ADGRL3: variants seen among roughly 807,000 people sequenced by gnomAD.
ADGRL3 encodes the protein calcium-independent alpha-latrotoxin receptor 3.
Under a neutral mutation model 153.5 loss-of-function variants are expected in ADGRL3, and 62 were observed. That is an observed-to-expected ratio of 0.40 (90% CI 0.33 to 0.50). The LOEUF (loss-of-function observed/expected upper bound fraction) is 0.50, where lower values mean the gene tolerates loss of function less well. Among genes scored for constraint, ADGRL3 ranks in the 20% least tolerant of loss-of-function variants. ADGRL3 has a pLI of 0.47. For missense variants in ADGRL3, 1,641 were observed against 1,859.4 expected (o/e 0.88, Z 2.16); for synonymous variants, 710 against 672.5 (o/e 1.06, Z -0.86).
intron 8 of ADGRL3, among the ~76,000 whole-genome samples, chr4:61,812,624 AG>A (rs2097643878): frequency 6.6e-6 from 1 of 152,266 alleles, no homozygotes; most frequent in South Asian, 2.1e-4. Context: ...AAGTACCTTT[AG>A]AAATTGAACT....
intron 23 of ADGRL3, among the ~76,000 whole-genome samples, chr4:62,036,686 T>A (rs1725189208): frequency 6.6e-6 from 1 of 152,146 alleles, no homozygotes. Context: ...CTTATTTGAA[T>A]ATTACATTAT....
At chr4:61,717,306 C>T (rs1386034251) in intron 6 of ADGRL3, among the ~76,000 whole-genome samples, 5 of 151,472 alleles carry the variant, frequency 3.3e-5, no homozygotes, top group Non-Finnish European at 7.4e-5. Context: ...ATATATTTTT[C>T]AAATCCATTG....
At chr4:62,063,474 T>C in intron 25 of ADGRL3, 1 of 635,732 alleles carries the variant, frequency 1.6e-6, no homozygotes, top group South Asian at 1.8e-5. Context: ...CTTTTTTTTT[T>C]TTTCTCTGTC....
chr4:61,981,194 A>G (rs192107270), intron 18 of ADGRL3, among the ~76,000 whole-genome samples: 9 of 152,302 alleles, frequency 5.9e-5, no homozygotes, highest in Admixed American at 4.6e-4. Flanking sequence ...TGTTTTAACC[A>G]TAGGGCTCAA....
chr4:61,665,267 T>G (rs770358243), intron 5 of ADGRL3, among the ~76,000 whole-genome samples: 1 of 152,044 alleles, frequency 6.6e-6, no homozygotes. Flanking sequence ...AAAAATTAGC[T>G]GGACATGGTG....
chr4:61,451,342 T>C (rs1357870064), intron 2 of ADGRL3, among the ~76,000 whole-genome samples: 3 of 152,046 alleles, frequency 2.0e-5, no homozygotes, highest in African/African-American at 7.2e-5. Context: ...TATAACATTT[T>C]AATGAAAAAA....
intron 15 of ADGRL3, among the ~76,000 whole-genome samples, chr4:61,937,646 A>AT (rs2098844955): frequency 1.3e-5 from 2 of 151,818 alleles, no homozygotes; most frequent in Non-Finnish European, 2.9e-5. Context: ...CATTATTATT[A>AT]TTTTTTAATC....
In ADGRL3 at chr4:61,518,799, C is replaced by G. The variant is rs1165073950; in HGVS notation, c.259+1281C>G. Among the ~76,000 whole-genome samples, 8 of 152,156 alleles carry G rather than the reference C, an allele frequency of 5.3e-5. No homozygotes were observed. In the South Asian group the frequency reaches 1.0e-3, roughly 20 times the overall value. On this transcript the variant is annotated intron_variant, in intron 4 of 26. Coordinates refer to ENST00000683033, the MANE Select transcript of ADGRL3 (RefSeq NM_001387552.1). ...CCTGTAGAATGGACTCCAGTGTGTT[C>G]TCAAAATTCAAGGGCAATGGATAGT...
At chr4:61,401,220 G>C (rs569108337) in intron 2 of ADGRL3, among the ~76,000 whole-genome samples, 2 of 151,716 alleles carry the variant, frequency 1.3e-5, no homozygotes, top group Non-Finnish European at 2.9e-5. Context: ...ATAAAACAAC[G>C]TAAGCAACAA....
At chr4:62,057,813 T>C (rs1010463282) in intron 25 of ADGRL3, among the ~76,000 whole-genome samples, 3 of 151,954 alleles carry the variant, frequency 2.0e-5, no homozygotes, top group Non-Finnish European at 4.4e-5. Flanking sequence ...GAGTAGCTGG[T>C]ACTACAGGCA....
intron 8 of ADGRL3, among the ~76,000 whole-genome samples, chr4:61,769,451 G>A (rs1233048648): frequency 1.5e-4 from 23 of 149,938 alleles, no homozygotes; most frequent in Non-Finnish European, 3.2e-4. Flanking sequence ...ACCTGAGGTC[G>A]TAGGTGGATC....
intron 19 of ADGRL3, among the ~76,000 whole-genome samples, chr4:61,987,033 A>G (rs1380318701): frequency 1.3e-5 from 2 of 152,110 alleles, no homozygotes; most frequent in Admixed American, 6.5e-5. Flanking sequence ...GAATTTCTGT[A>G]TATAGAATTA....
At chr4:61,489,784 A>ACG (rs1306266178) in intron 2 of ADGRL3, among the ~76,000 whole-genome samples, 2 of 152,038 alleles carry the variant, frequency 1.3e-5, no homozygotes, top group East Asian at 3.9e-4. Context: ...TTGAATTTGC[A>ACG]ACAAAATGTT....
At chr4:61,868,501 C>T (rs1344216240) in intron 9 of ADGRL3, among the ~76,000 whole-genome samples, 1 of 152,162 alleles carries the variant, frequency 6.6e-6, no homozygotes, top group Non-Finnish European at 1.5e-5. Flanking sequence ...ACATCTCTGT[C>T]TCTATAACAA....
chr4:61,660,890 A>G (rs1040636212), intron 5 of ADGRL3, among the ~76,000 whole-genome samples: 1 of 152,136 alleles, frequency 6.6e-6, no homozygotes, highest in African/African-American at 2.4e-5. Context: ...AACGTTAATT[A>G]GACCAATTGT....
In ADGRL3 at chr4:61,239,224, C is replaced by T. The variant is rs184127604; in HGVS notation, c.-240+37459C>T. 9.2e-5 allele frequency among the ~76,000 whole-genome samples: 14 copies of T among 152,182 alleles called. 1 individual carries two copies. In the East Asian group the frequency reaches 2.1e-3, roughly 23 times the overall value. On this transcript the variant is annotated intron_variant, in intron 1 of 26. Coordinates refer to ENST00000683033, the MANE Select transcript of ADGRL3 (RefSeq NM_001387552.1). ...ATGAAATGTACATCTAAACTTGGGGCAGTTTGTCTATGTGAACAATGTAGG... is the reference window on the plus strand; with the variant it reads ...ATGAAATGTACATCTAAACTTGGGGTAGTTTGTCTATGTGAACAATGTAGG...
chr4:62,000,505 T>C (rs2099136434), intron 21 of ADGRL3, among the ~76,000 whole-genome samples: 1 of 152,112 alleles, frequency 6.6e-6, no homozygotes. Flanking sequence ...CATCAAGTTT[T>C]ATATTACAAA....
chr4:61,698,706 CAT>C (rs957942224), intron 6 of ADGRL3, among the ~76,000 whole-genome samples: 41 of 152,150 alleles, frequency 2.7e-4, no homozygotes, highest in African/African-American at 9.2e-4. Context: ...TATAGAGAAT[CAT>C]TTTGCTGTGT....
intron 13 of ADGRL3, among the ~76,000 whole-genome samples, chr4:61,919,426 A>T (rs187702061): frequency 4.6e-5 from 7 of 152,324 alleles, no homozygotes; most frequent in Admixed American, 2.6e-4. Context: ...GAAAATATAA[A>T]TCTGCACCCT....
Sources: allele counts gnomAD v4.1 joint callset (sites outside exome capture counted in the v4.1 genomes callset), GRCh38; gene constraint gnomAD v4.1.1; transcripts MANE v1.5; gene names NCBI Gene and HGNC (gene_info 2026-07-23, HGNC 2026-07-21).